LRRC37A2: variants seen among roughly 807,000 people sequenced by gnomAD.
The protein encoded by LRRC37A2 is leucine-rich repeat-containing protein 37A2.
LRRC37A2 carries 9 observed loss-of-function variants against 68.8 expected under a neutral mutation model. The observed-to-expected ratio is 0.13, with a 90% CI of 0.08 to 0.23. The LOEUF (loss-of-function observed/expected upper bound fraction) is 0.23. LRRC37A2 is among the 10% of genes least tolerant of loss of function. The pLI, the probability that LRRC37A2 is intolerant of heterozygous loss-of-function variation, is 1.00. For synonymous variants in LRRC37A2, 63 were observed against 367.6 expected, an observed-to-expected ratio of 0.17 and a Z score of 9.48; for missense variants, 168 against 950.4, an observed-to-expected ratio of 0.18 and a Z score of 10.82.
the LRRC37A2 span, among the ~76,000 whole-genome samples, chr17:46,438,507 TTATTA>T: frequency 1.1e-4 from 2 of 17,814 alleles, no homozygotes; most frequent in East Asian, 9.5e-4. Flanking sequence ...CCTCTCGCTA[TTATTA>T]AACCCTTTGC....
chr17:46,730,547 G>C, the LRRC37A2 span, among the ~76,000 whole-genome samples: 1 of 152,114 alleles, frequency 6.6e-6, no homozygotes. Context: ...AATTGTTTCT[G>C]TGTTGTAAAA....
At chr17:47,017,814 G>A in the LRRC37A2 span, 110 of 1,609,868 alleles carry the variant, frequency 6.8e-5, 1 homozygote, top group East Asian at 2.5e-3. Flanking sequence ...TGAGCCTCCA[G>A]GGCCCTCTGA....
chr17:46,910,702 G>T, the LRRC37A2 span, among the ~76,000 whole-genome samples: 1 of 152,220 alleles, frequency 6.6e-6, no homozygotes, highest in Non-Finnish European at 1.5e-5. Context: ...GAGTGGTCGG[G>T]AAGGCTGCTG....
the LRRC37A2 span, among the ~76,000 whole-genome samples, chr17:46,766,487 C>G: frequency 6.6e-6 from 1 of 152,140 alleles, no homozygotes; most frequent in Non-Finnish European, 1.5e-5. Context: ...CCAGGCCAGA[C>G]AGCTGAGTGG....
At chr17:46,795,207 C>A in the LRRC37A2 span, among the ~76,000 whole-genome samples, 1 of 152,168 alleles carries the variant, frequency 6.6e-6, no homozygotes, top group Non-Finnish European at 1.5e-5. Context: ...TCTGCTCCCC[C>A]ATAAACACCC....
chr17:46,558,553 ATTTTTTTTT>A (rs58227880), downstream of LRRC37A2, among the ~76,000 whole-genome samples: 369 of 100,094 alleles, frequency 3.7e-3, 11 homozygotes, highest in Admixed American at 4.8e-3. Context: ...TGCCCGGCCA[ATTTTTTTTT>A]TTTTTTTTTT....
the LRRC37A2 span, chr17:46,940,713 T>C: frequency 2.5e-6 from 4 of 1,602,278 alleles, no homozygotes; most frequent in Non-Finnish European, 3.4e-6. Flanking sequence ...CTTTCCACAC[T>C]TGACAGTGGT....
the LRRC37A2 span, among the ~76,000 whole-genome samples, chr17:46,817,885 G>A: frequency 1.3e-5 from 2 of 152,074 alleles, no homozygotes; most frequent in Admixed American, 6.6e-5. Context: ...AATAAAATCC[G>A]AATTCAATGG....
the LRRC37A2 span, among the ~76,000 whole-genome samples, chr17:46,833,964 G>C: frequency 9.2e-5 from 14 of 152,090 alleles, no homozygotes; most frequent in Non-Finnish European, 1.8e-4. Context: ...GGGAGTCTGA[G>C]GCAGGAGGAT....
chr17:46,832,601 G>C, the LRRC37A2 span, among the ~76,000 whole-genome samples: 5 of 152,044 alleles, frequency 3.3e-5, no homozygotes, highest in African/African-American at 1.2e-4. Context: ...AGTTAGGGGA[G>C]CCCCTGCCCC....
At chr17:46,771,511 G>A in the LRRC37A2 span, among the ~76,000 whole-genome samples, 1 of 149,304 alleles carries the variant, frequency 6.7e-6, no homozygotes, top group Admixed American at 6.6e-5. Context: ...GCGGGGGCGG[G>A]GCGGGGATTA....
At chr17:46,752,116 T>G in the LRRC37A2 span, among the ~76,000 whole-genome samples, 5 of 152,232 alleles carry the variant, frequency 3.3e-5, no homozygotes, top group Admixed American at 3.3e-4. Context: ...TCTGTATATT[T>G]GTCCCTGGCT....
At chr17:47,020,676 G>C in the LRRC37A2 span, among the ~76,000 whole-genome samples, 1 of 149,734 alleles carries the variant, frequency 6.7e-6, no homozygotes, top group Non-Finnish European at 1.5e-5. Flanking sequence ...CAGCTACTCG[G>C]GAGGCTGAGG....
the LRRC37A2 span, among the ~76,000 whole-genome samples, chr17:46,974,747 A>ATG: frequency 2.2e-5 from 1 of 45,164 alleles, no homozygotes; most frequent in Admixed American, 2.1e-4. Flanking sequence ...AAAAAAAAAA[A>ATG]AAGGTCATCT....
the LRRC37A2 span, among the ~76,000 whole-genome samples, chr17:46,753,391 T>C: frequency 6.6e-6 from 1 of 152,234 alleles, no homozygotes; most frequent in African/African-American, 2.4e-5. Context: ...TTTTTTGACT[T>C]TCAGAAATCT....
At chr17:46,497,202 A>ATATT in the LRRC37A2 span, among the ~76,000 whole-genome samples, 3 of 130,518 alleles carry the variant, frequency 2.3e-5, no homozygotes, top group East Asian at 6.3e-4. Flanking sequence ...CCATATCATT[A>ATATT]TATTTTCAAA....
the LRRC37A2 span, among the ~76,000 whole-genome samples, chr17:47,009,932 G>A: frequency 2.6e-5 from 4 of 152,260 alleles, no homozygotes; most frequent in Non-Finnish European, 5.9e-5. Context: ...CTTCCTTGGT[G>A]ACTAATGGTG....
the LRRC37A2 span, among the ~76,000 whole-genome samples, chr17:46,864,272 G>A: frequency 6.6e-6 from 1 of 152,166 alleles, no homozygotes; most frequent in Admixed American, 6.5e-5. Flanking sequence ...CACCAGGAGT[G>A]CGGTTTCAGC....
chr17:46,870,904 C>CTTTTTT, the LRRC37A2 span, among the ~76,000 whole-genome samples: 37 of 78,362 alleles, frequency 4.7e-4, no homozygotes, highest in East Asian at 1.8e-3. Flanking sequence ...TCCACCTTTG[C>CTTTTTT]TTTTTTTTTT....
Sources: allele counts gnomAD v4.1 joint callset (sites outside exome capture counted in the v4.1 genomes callset), GRCh38; gene constraint gnomAD v4.1.1; transcripts MANE v1.5; gene names NCBI Gene and HGNC (gene_info 2026-07-23, HGNC 2026-07-21).